HDAC11: variants seen among roughly 807,000 people sequenced by gnomAD.
The protein encoded by HDAC11 is histone deacetylase 11.
Under a neutral mutation model 41.1 loss-of-function variants are expected in HDAC11, and 23 were observed. The ratio of observed to expected loss-of-function variants is 0.56; its 90% CI spans 0.40 to 0.79. HDAC11 has a LOEUF of 0.79. Among genes scored for constraint, HDAC11 ranks in the 30% least tolerant of loss-of-function variants. The pLI, the probability that HDAC11 is intolerant of heterozygous loss-of-function variation, is 0.00. For missense variants in HDAC11, 402 were observed against 477.3 expected, an observed-to-expected ratio of 0.84 and a Z score of 1.47; for synonymous variants, 187 against 186.6, an observed-to-expected ratio of 1.00 and a Z score of -0.02.
At chr3:13,492,874 G>C (rs1701929691) in intron 3 of HDAC11, among the ~76,000 whole-genome samples, 1 of 152,170 alleles carries the variant, frequency 6.6e-6, no homozygotes, top group South Asian at 2.1e-4. Context: ...AGATGAGGAG[G>C]ACAGGCCTCT....
At chr3:13,500,893 T>C in intron 6 of HDAC11, 104 bp downstream of exon 6, 1 of 886,230 alleles carries the variant, frequency 1.1e-6, no homozygotes, top group Non-Finnish European at 1.6e-6. Flanking sequence ...ACAAGGGGCC[T>C]ATGCTGGAGC....
At chr3:13,484,000 C>T (rs772413633) in intron 3 of HDAC11, among the ~76,000 whole-genome samples, 2 of 152,154 alleles carry the variant, frequency 1.3e-5, no homozygotes, top group Non-Finnish European at 2.9e-5. Flanking sequence ...CTCTGTCGCC[C>T]AGGCTGGAGT....
intron 3 of HDAC11, 69 bp downstream of exon 3, chr3:13,483,633 G>A: frequency 7.8e-7 from 1 of 1,287,890 alleles, no homozygotes; most frequent in African/African-American, 1.5e-5. Flanking sequence ...GTGGCCAGAG[G>A]CAGGAGGTGA....
At chr3:13,501,528 G>A (rs1446418801) in intron 6 of HDAC11, 2 of 495,452 alleles carry the variant, frequency 4.0e-6, no homozygotes, top group Non-Finnish European at 8.0e-6. Flanking sequence ...GAAGTCCCAG[G>A]GCTGTGGGGA....
At chr3:13,489,456 C>T (rs886284820) in intron 3 of HDAC11, among the ~76,000 whole-genome samples, 1 of 152,216 alleles carries the variant, frequency 6.6e-6, no homozygotes, top group Non-Finnish European at 1.5e-5. Flanking sequence ...ATCCCAGCAC[C>T]ATTTGTTAGG....
At position 13,496,534 on chromosome 3, in the gene HDAC11, T is replaced by G; in HGVS notation, c.253-202T>G. 3.9e-6 allele frequency: 2 copies of G among 518,028 alleles called. 1 individual carries two copies. 32.1% of individuals were successfully genotyped at this position (518,028 alleles called of 1,614,324 possible). ...AAGAAATGCATTGTGTAAACTGCTC[T>G]TTACTGAGCCCAGAGCTTGCCAGGA... On this transcript the variant is annotated intron_variant, in intron 3 of 9. Transcript: ENST00000295757.
In HDAC11 at chr3:13,496,889, C is replaced by G. The variant is rs11923010; in HGVS notation, c.369+37C>G. ...GGGGGGGCATGGCTGGGCTGGGGGC[C>G]CCCACACCCCAGGGTCCTTCTCACC... is the stretch of plus-strand genomic sequence containing the variant. On this transcript the variant is annotated intron_variant, in intron 4 of 9. Transcript: ENST00000295757. 8.7e-4 allele frequency: 1,069 copies of G among 1,226,280 alleles called. 13 individuals are homozygous for G. In the African/African-American group the frequency reaches 0.016, roughly 18 times the overall value. 76.0% of individuals were successfully genotyped at this position (1,226,280 alleles called of 1,614,324 possible). A position where few individuals can be genotyped will look rare whatever the true frequency, so the allele number is the denominator to read the frequency against.
Position 13,481,270 on chromosome 3 carries a change from G to A in HDAC11, c.27G>A (p.Gln9=). 2 of 1,612,416 alleles carry A rather than the reference G, an allele frequency of 1.2e-6. No homozygotes were observed. Among genetic ancestry groups the A allele is most frequent in the Non-Finnish European group, 1.7e-6 (2 of 1,179,978 alleles). MLHTTQLY[Q]HVPETRWPIV... Reference sequence around the variant, plus strand: ...GGCTACACACAACCCAGCTGTACCAGCATGTGCCAGAGACACGCTGGCCAA... The same window carrying A: ...GGCTACACACAACCCAGCTGTACCAACATGTGCCAGAGACACGCTGGCCAA... The change falls in exon 2 of 10, where the codon CAG becomes CAA. Residue 9 remains glutamine (Q), a synonymous_variant. Coordinates refer to ENST00000295757, the MANE Select transcript of HDAC11 (RefSeq NM_024827.4).
At chr3:13,504,339 G>T in intron 9 of HDAC11, 67 bp downstream of exon 9, 1 of 1,594,550 alleles carries the variant, frequency 6.3e-7, no homozygotes, top group South Asian at 1.1e-5. Context: ...AGGAAAGGTG[G>T]GCGGCCTCAT....
At chr3:13,501,035 G>A (rs1378554682) in intron 6 of HDAC11, among the ~76,000 whole-genome samples, 1 of 152,230 alleles carries the variant, frequency 6.6e-6, no homozygotes, top group Non-Finnish European at 1.5e-5. Flanking sequence ...CACAGAGCCA[G>A]GGGACTAGAG....
At chr3:13,498,267 G>C (rs922449530) in intron 4 of HDAC11, among the ~76,000 whole-genome samples, 3 of 152,154 alleles carry the variant, frequency 2.0e-5, no homozygotes, top group African/African-American at 7.2e-5. Flanking sequence ...ATTTTTTCCA[G>C]TTTCCTTGCA....
chr3:13,492,684 C>T lies in HDAC11; in HGVS notation c.253-4052C>T, dbSNP rs766999998. Reference sequence around the variant, plus strand: ...CTCGCCTCCTGAGTAGCTGGGATTACAGGCACCTGCCACCATGCCCGGCTA... The same window carrying T: ...CTCGCCTCCTGAGTAGCTGGGATTATAGGCACCTGCCACCATGCCCGGCTA... On this transcript the variant is annotated intron_variant, in intron 3 of 9. Coordinates refer to ENST00000295757, the MANE Select transcript of HDAC11 (RefSeq NM_024827.4). Among the ~76,000 whole-genome samples, 12 of 152,174 alleles carry T rather than the reference C, an allele frequency of 7.9e-5. 1 individual carries two copies. The South Asian group carries it at 1.2e-3, about 16-fold the overall frequency.
At chr3:13,485,645 G>C (rs1701524444) in intron 3 of HDAC11, among the ~76,000 whole-genome samples, 1 of 152,194 alleles carries the variant, frequency 6.6e-6, no homozygotes, top group South Asian at 2.1e-4. Context: ...CAAAATAGCT[G>C]GGTGTAGTGG....
At position 13,480,957 on chromosome 3, in the gene HDAC11, C is replaced by T; in HGVS notation, c.3-289C>T. ...GCAGCCAGACACACCTGAGTGCACG[C>T]CTGCTTCTCCACAGACCTGCACTGT... On this transcript the variant is annotated intron_variant, in intron 1 of 9. Coordinates refer to ENST00000295757, the MANE Select transcript of HDAC11 (RefSeq NM_024827.4). The surrounding 1 kb of genome is among the most constrained non-coding windows in gnomAD (Gnocchi z 4.6). The T allele has an allele frequency of 4.1e-6, 2 of 490,968 alleles. No homozygotes were observed. The highest frequency in any genetic ancestry group is 7.5e-6 in the Non-Finnish European group (2 of 266,494). The allele number at this position is 490,968 out of a possible 1,614,324, so 30.4% of individuals were successfully genotyped here.
At chr3:13,481,966 G>T (rs893090010) in intron 2 of HDAC11, among the ~76,000 whole-genome samples, 1 of 152,136 alleles carries the variant, frequency 6.6e-6, no homozygotes, top group African/African-American at 2.4e-5. Flanking sequence ...ACCACACCCG[G>T]CCCTGATTTC....
rs1702117853 is a variant in HDAC11 at position 13,496,792 on chromosome 3, C to A, written c.309C>A (p.Asn103Lys). ...TEIPPVIFLP[N>K]FLVQRKVLRP... ...TCCCCCCCGTTATCTTCCTCCCCAA[C>A]TTCCTTGTGCAGAGGAAGGTGCTGA... The change falls in exon 4 of 10, where the codon AAC (asparagine) becomes AAA (lysine). Residue 103 changes from asparagine to lysine, a missense_variant. Asn to Lys is a moderately conservative substitution (Grantham distance 94). Transcript: ENST00000295757. The A allele has an allele frequency of 1.2e-6, 2 of 1,605,822 alleles. No individual in the cohort carries two copies. Among genetic ancestry groups the A allele is most frequent in the Non-Finnish European group, 1.7e-6 (2 of 1,175,688 alleles).
chr3:13,482,297 G>A (rs1345889548), intron 2 of HDAC11, among the ~76,000 whole-genome samples: 1 of 152,194 alleles, frequency 6.6e-6, no homozygotes, highest in Non-Finnish European at 1.5e-5. Flanking sequence ...AATGGGAAAA[G>A]GCAGTTTCAC....
At chr3:13,501,689 A>G (rs978757217) in intron 6 of HDAC11, 182 bp from the exon 7 acceptor site, 6 of 719,128 alleles carry the variant, frequency 8.3e-6, no homozygotes, top group Admixed American at 2.0e-5. Context: ...GCATGCACAC[A>G]TGGAGCCCCA....
Position 13,501,868 on chromosome 3 carries a change from C to A in HDAC11, c.490-3C>A, listed in dbSNP as rs1345800270. The stretch of plus-strand genomic sequence containing the variant: ...CTCATGTCTACCCTCTCCTCCCTGG[C>A]AGTTTCTGTTTGAGCGTGTGGAGGG... On this transcript the variant is annotated splice_region_variant and splice_polypyrimidine_tract_variant and intron_variant, in intron 6 of 9. Transcript: ENST00000295757. 2 of 1,613,872 alleles carry A rather than the reference C, an allele frequency of 1.2e-6. No individual in the cohort carries two copies. The highest frequency in any genetic ancestry group is 1.7e-6 in the Non-Finnish European group (2 of 1,179,812).
Sources: allele counts gnomAD v4.1 joint callset (sites outside exome capture counted in the v4.1 genomes callset), GRCh38; gene constraint gnomAD v4.1.1; non-coding constraint Gnocchi (gnomAD v3.1); transcripts MANE v1.5; gene names NCBI Gene and HGNC (gene_info 2026-07-23, HGNC 2026-07-21).